The following CPD variants were observed in gnomAD, a reference collection of about 807,000 sequenced individuals.
The protein encoded by CPD is carboxypeptidase D, also known as metallocarboxypeptidase D.
Under a neutral mutation model 138.3 loss-of-function variants are expected in CPD, and 69 were observed. The observed-to-expected ratio is 0.50, with a 90% CI of 0.41 to 0.61. The LOEUF (loss-of-function observed/expected upper bound fraction) is 0.61. CPD is among the 20% of genes least tolerant of loss of function. CPD has a pLI of 0.00. For missense variants in CPD, 1,432 were observed against 1,733.3 expected (o/e 0.83, Z 3.09); for synonymous variants, 651 against 642.1 (o/e 1.01, Z -0.21).
At position 30,469,004 on chromosome 17, in the gene CPD, A is replaced by G. The variant is rs1218354132; in HGVS notation, c.*4190A>G. ...AAAGGTTTTTATGTACGCATTTTAA[A>G]CTTGTTCGTTAAAAATTTGGTCCTT... On this transcript the variant is annotated 3_prime_UTR_variant, in exon 21 of 21. Coordinates refer to ENST00000225719, the MANE Select transcript of CPD (RefSeq NM_001304.5). 1 of 152,156 alleles carries G rather than the reference A, an allele frequency of 6.6e-6. No individual in the cohort carries two copies. The highest frequency in any genetic ancestry group is 2.4e-5 in the African/African-American group (1 of 41,454). 9.4% of individuals were successfully genotyped at this position (152,156 alleles called of 1,614,324 possible).
At chr17:30,458,898 G>GTC (rs1376102910) in intron 17 of CPD, among the ~76,000 whole-genome samples, 1 of 151,348 alleles carries the variant, frequency 6.6e-6, no homozygotes, top group African/African-American at 2.4e-5. Flanking sequence ...AGAGTTTTAT[G>GTC]GATCAAGCTG....
intron 6 of CPD, among the ~76,000 whole-genome samples, chr17:30,424,828 T>C (rs1436256060): frequency 6.6e-6 from 1 of 152,182 alleles, no homozygotes; most frequent in Non-Finnish European, 1.5e-5. Context: ...ATGATATCTA[T>C]CAGGCACCAT....
At chr17:30,431,559 T>G (rs1912565770) in intron 7 of CPD, among the ~76,000 whole-genome samples, 1 of 152,230 alleles carries the variant, frequency 6.6e-6, no homozygotes, top group Non-Finnish European at 1.5e-5. Context: ...ATAAATCTTT[T>G]TTTGTGGCTT....
At position 30,394,116 on chromosome 17, in the gene CPD, C is replaced by CTT. The variant is rs35779169; in HGVS notation, c.994+8908_994+8909dup. ...TATGATTGCACCACTGCACTCCAGCCTTTTTTTTTTTTTTTTTTTTTTTTT... is the reference window on the plus strand; with the variant it reads ...TATGATTGCACCACTGCACTCCAGCCTTTTTTTTTTTTTTTTTTTTTTTTTTT... On this transcript the variant is annotated intron_variant, in intron 2 of 20. Transcript: ENST00000225719. Among the ~76,000 whole-genome samples, 46 of 40,858 alleles carry CTT rather than the reference C, an allele frequency of 1.1e-3. 11 individuals carry two copies. The highest frequency in any genetic ancestry group is 2.8e-3 in the African/African-American group (26 of 9,364). The allele number at this position is 40,858 out of a possible 152,430, so 26.8% of individuals were successfully genotyped here. A position where few individuals can be genotyped will look rare whatever the true frequency, so the allele number is the denominator to read the frequency against.
chr17:30,443,342 G>A (rs1912931017), intron 10 of CPD, among the ~76,000 whole-genome samples: 1 of 152,008 alleles, frequency 6.6e-6, no homozygotes, highest in African/African-American at 2.4e-5. Context: ...CTAATACTTA[G>A]TTTATATTTA....
Position 30,456,343 on chromosome 17 carries a change from A to G in CPD, c.3425A>G (p.Asn1142Ser), listed in dbSNP as rs1913293262. Residue 1142 changes from asparagine (N) to serine (S), a missense_variant, in exon 16 of 21, where the codon AAT (asparagine) becomes AGT (serine). By Grantham distance (46) the Asn-to-Ser change is conservative (BLOSUM62 1). This residue lies in a region of CPD where 366 missense variants were observed against 518.8 expected (regional missense o/e 0.71). Coordinates refer to ENST00000225719, the MANE Select transcript of CPD (RefSeq NM_001304.5). ...SMHMGQPSCP[N>S]KSDENIPGGV... Reference sequence around the variant, plus strand: ...CACATGGGTCAGCCCAGTTGCCCAAATAAATCAGGTAGATGTTTTCCATAC... The same window carrying G: ...CACATGGGTCAGCCCAGTTGCCCAAGTAAATCAGGTAGATGTTTTCCATAC... The G allele has an allele frequency of 5.6e-6, 9 of 1,614,058 alleles. No individual in the cohort carries two copies. Among genetic ancestry groups the G allele is most frequent in the Non-Finnish European group, 7.6e-6 (9 of 1,179,982 alleles).
intron 8 of CPD, 128 bp downstream of exon 8, chr17:30,432,009 C>T: frequency 1.6e-6 from 1 of 644,296 alleles, no homozygotes; most frequent in Non-Finnish European, 2.6e-6. Context: ...TCAGCTGTTT[C>T]CGAAAAATAG....
At chr17:30,392,660 T>C (rs1911391418) in intron 2 of CPD, among the ~76,000 whole-genome samples, 1 of 152,244 alleles carries the variant, frequency 6.6e-6, no homozygotes, top group South Asian at 2.1e-4. Flanking sequence ...GAAAAAACAC[T>C]ATTCTTGATC....
chr17:30,465,099 C>T lies in CPD; in HGVS notation c.*285C>T, dbSNP rs1466231329. 2 of 342,468 alleles carry T rather than the reference C, an allele frequency of 5.8e-6. No homozygotes were observed. Among genetic ancestry groups the T allele is most frequent in the Non-Finnish European group, 1.1e-5 (2 of 183,282 alleles). The allele number at this position is 342,468 out of a possible 1,614,324, so 21.2% of individuals were successfully genotyped here. On this transcript the variant is annotated 3_prime_UTR_variant, in exon 21 of 21. Coordinates refer to ENST00000225719, the MANE Select transcript of CPD (RefSeq NM_001304.5). ...CTATTTGGAGCTTATGTAATAATGG[C>T]ATAAAGCCAACTAGAGGATGTTGTA...
chr17:30,419,370 C>T (rs867867947), intron 2 of CPD, among the ~76,000 whole-genome samples: 3 of 152,264 alleles, frequency 2.0e-5, no homozygotes, highest in Middle Eastern at 6.8e-3. Flanking sequence ...GACAGAGTCG[C>T]ACTCTGTTGC....
chr17:30,461,386 T>A lies in CPD; in HGVS notation c.3630+75T>A. The A allele has an allele frequency of 5.1e-6, 6 of 1,184,546 alleles. No homozygotes were observed. The South Asian group carries it at 1.5e-4, about 30-fold the overall frequency. The allele number at this position is 1,184,546 out of a possible 1,614,324, so 73.4% of individuals were successfully genotyped here. A position where few individuals can be genotyped will look rare whatever the true frequency, so the allele number is the denominator to read the frequency against. ...TGAAAACCTTTATCAAAACATTGTC[T>A]TTTACCAAAAATGTATATTATTTAT... On this transcript the variant is annotated intron_variant, in intron 18 of 20. Transcript: ENST00000225719.
chr17:30,383,667 T>G (rs1911109565), intron 1 of CPD, among the ~76,000 whole-genome samples: 1 of 152,214 alleles, frequency 6.6e-6, no homozygotes, highest in Non-Finnish European at 1.5e-5. Flanking sequence ...CATTGTTTGA[T>G]CTTCTCTGGG....
chr17:30,462,197 TCTTGTTATC>T (rs1468897016), intron 19 of CPD, 135 bp downstream of exon 19: 2 of 1,082,638 alleles, frequency 1.8e-6, no homozygotes, highest in Non-Finnish European at 2.6e-6. Context: ...GATTATGATA[TCTTGTTATC>T]CTTGTACCCC....
chr17:30,426,199 CAAAAAAAAAAA>C (rs35054719), intron 6 of CPD, among the ~76,000 whole-genome samples: 4 of 105,458 alleles, frequency 3.8e-5, no homozygotes, highest in Non-Finnish European at 6.0e-5. Flanking sequence ...GGCTCCGTCT[CAAAAAAAAAAA>C]AAAAAAAAAG....
rs1187895930 is a variant in CPD, at chr17:30,468,826, C to G, written c.*4012C>G. On this transcript the variant is annotated 3_prime_UTR_variant, in exon 21 of 21. Coordinates refer to ENST00000225719, the MANE Select transcript of CPD (RefSeq NM_001304.5). ...CCAGGATCAGAATACAGGGTATCACCTATGGAATGTTTCTGTATTTATGAA... is the reference window on the plus strand; with the variant it reads ...CCAGGATCAGAATACAGGGTATCACGTATGGAATGTTTCTGTATTTATGAA... The G allele has an allele frequency of 6.6e-6, 1 of 152,148 alleles. No individual in the cohort carries two copies. Among genetic ancestry groups the G allele is most frequent in the Admixed American group, 6.5e-5 (1 of 15,268 alleles). 9.4% of individuals were successfully genotyped at this position (152,148 alleles called of 1,614,324 possible).
In CPD at chr17:30,449,698, C is replaced by G. The variant is rs745711048; in HGVS notation, c.3019C>G (p.Leu1007Val). ...AGTTGGAACTGAACTGCTTTTGGCTCTGGCAGAATTTCTCTGCCTGAACTA... is the reference window on the plus strand; with the variant it reads ...AGTTGGAACTGAACTGCTTTTGGCTGTGGCAGAATTTCTCTGCCTGAACTA... ...APVGTELLLA[L>V]AEFLCLNYKK... Residue 1007 changes from leucine (L) to valine (V), a missense_variant, in exon 13 of 21, where the codon CTG becomes GTG. By Grantham distance (32) the Leu-to-Val change is conservative (BLOSUM62 1). This residue lies in a region of CPD where 366 missense variants were observed against 518.8 expected (regional missense o/e 0.71). Transcript: ENST00000225719. 2 of 1,591,170 alleles carry G rather than the reference C, an allele frequency of 1.3e-6. No individual in the cohort carries two copies. Among genetic ancestry groups the G allele is most frequent in the Non-Finnish European group, 1.7e-6 (2 of 1,174,154 alleles).
chr17:30,416,512 A>T (rs1381684964), intron 2 of CPD, among the ~76,000 whole-genome samples: 2 of 152,108 alleles, frequency 1.3e-5, no homozygotes, highest in African/African-American at 4.8e-5. Flanking sequence ...AAAATCCCCA[A>T]CTTCTTGCCC....
intron 17 of CPD, among the ~76,000 whole-genome samples, chr17:30,457,959 G>A (rs1178120370): frequency 1.3e-5 from 2 of 152,116 alleles, no homozygotes; most frequent in Admixed American, 6.6e-5. Flanking sequence ...TTGGGAGGCC[G>A]AGGCGGGAGG....
intron 2 of CPD, among the ~76,000 whole-genome samples, chr17:30,394,691 A>G (rs1267587226): frequency 6.6e-6 from 1 of 152,200 alleles, no homozygotes; most frequent in African/African-American, 2.4e-5. Flanking sequence ...ATGTAGGGGA[A>G]TGAAAAGGGA....
Sources: gnomAD v4.1 joint callset for allele counts (sites outside exome capture counted in the v4.1 genomes callset) on GRCh38, gnomAD v4.1.1 for gene constraint, gnomAD v4.1.1 regional missense constraint, MANE v1.5 for transcripts, NCBI Gene and HGNC (gene_info 2026-07-23, HGNC 2026-07-21) for gene names.